The following GLG1 variants were observed in gnomAD, a reference collection of about 807,000 sequenced individuals.
The protein encoded by GLG1 is Golgi apparatus protein 1.
In GLG1, 38 loss-of-function variants were observed where a neutral mutation model predicts 160.5. That is an observed-to-expected ratio of 0.24 (90% CI 0.18 to 0.31). The LOEUF is 0.31. GLG1 is among the 10% of genes least tolerant of loss of function. The pLI is 1.00. For synonymous variants in GLG1, 644 were observed against 543.4 expected (o/e 1.19, Z -2.57); for missense variants, 1,373 against 1,505.2 (o/e 0.91, Z 1.45).
chr16:74,536,246 G>A (rs2017684030), intron 1 of GLG1, among the ~76,000 whole-genome samples: 1 of 152,112 alleles, frequency 6.6e-6, no homozygotes, highest in African/African-American at 2.4e-5. Flanking sequence ...TTTAAGTGCA[G>A]ACAGGCTCAC....
intron 1 of GLG1, among the ~76,000 whole-genome samples, chr16:74,549,904 A>T (rs1683665428): frequency 6.6e-6 from 1 of 152,044 alleles, no homozygotes; most frequent in Non-Finnish European, 1.5e-5. Context: ...ACTCAAGCCC[A>T]GGTGTTCAAG....
At chr16:74,600,032 T>C (rs1057245189) in intron 1 of GLG1, among the ~76,000 whole-genome samples, 5 of 152,098 alleles carry the variant, frequency 3.3e-5, no homozygotes, top group African/African-American at 1.2e-4. Context: ...AGACTCCGTC[T>C]TAACCAAAAG....
At chr16:74,524,267 C>T (rs2017266840) in intron 2 of GLG1, among the ~76,000 whole-genome samples, 1 of 151,950 alleles carries the variant, frequency 6.6e-6, no homozygotes, top group Admixed American at 6.6e-5. Context: ...TTAATTATTA[C>T]CTGTTTTCTT....
rs2014347362 is a variant in GLG1 at position 74,452,358 on chromosome 16, C to A, written c.*809G>T. ...ATCCTGCTGCCCCGGGACTCAGGAT[C>A]CAGCCTCTCAGTGCAGATGGATGGA... On this transcript the variant is annotated 3_prime_UTR_variant, in exon 26 of 26. Coordinates refer to ENST00000422840, the MANE Select transcript of GLG1 (RefSeq NM_001145667.2). 7.3e-6 allele frequency: 10 copies of A among 1,363,752 alleles called. No homozygotes were observed. The highest frequency in any genetic ancestry group is 9.5e-6 in the Non-Finnish European group (10 of 1,054,702). The allele number at this position is 1,363,752 out of a possible 1,614,324, so 84.5% of individuals were successfully genotyped here.
At chr16:74,593,718 A>G (rs975287885) in intron 1 of GLG1, among the ~76,000 whole-genome samples, 1 of 151,908 alleles carries the variant, frequency 6.6e-6, no homozygotes, top group African/African-American at 2.4e-5. Flanking sequence ...TACAGGTGTG[A>G]GCCACCACAC....
chr16:74,537,892 G>C (rs1422877162), intron 1 of GLG1, among the ~76,000 whole-genome samples: 1 of 151,990 alleles, frequency 6.6e-6, no homozygotes, highest in Non-Finnish European at 1.5e-5. Flanking sequence ...ATTCACTTAG[G>C]AGGAAGGTTT....
chr16:74,468,862 G>A, intron 17 of GLG1, 84 bp downstream of exon 17: 1 of 810,256 alleles, frequency 1.2e-6, no homozygotes, highest in Non-Finnish European at 2.2e-6. Flanking sequence ...TGGATAAAAT[G>A]CCTCCCCCTT....
Position 74,452,599 on chromosome 16 carries a change from C to T in GLG1, c.*568G>A, listed in dbSNP as rs904549374. On this transcript the variant is annotated 3_prime_UTR_variant, in exon 26 of 26. Coordinates refer to ENST00000422840, the MANE Select transcript of GLG1 (RefSeq NM_001145667.2). ...CACAGCCTGGGGAACGGCTGCCCAC[C>T]CACGCCTCGGTGAAGACCACGGCCC... 2.0e-6 allele frequency: 2 copies of T among 1,001,140 alleles called. No individual in the cohort carries two copies. The highest frequency in any genetic ancestry group is 1.1e-4 in the Admixed American group (2 of 18,710). The allele number at this position is 1,001,140 out of a possible 1,614,324, so 62.0% of individuals were successfully genotyped here. A position where few individuals can be genotyped will look rare whatever the true frequency, so the allele number is the denominator to read the frequency against.
chr16:74,463,413 A>G lies in GLG1; in HGVS notation c.2734T>C (p.Leu912=), dbSNP rs779515050. The G allele has an allele frequency of 6.8e-6, 11 of 1,613,758 alleles. No individual in the cohort carries two copies. In the Admixed American group the frequency reaches 1.7e-4, roughly 24 times the overall value. Residue 912 remains leucine, a synonymous_variant, in exon 20 of 26, where the codon TTG becomes CTG. Coordinates refer to ENST00000422840, the MANE Select transcript of GLG1 (RefSeq NM_001145667.2). The stretch of plus-strand genomic sequence containing the variant: ...ATCTGTTTGCATTTGGGATCCATCA[A>G]TTCACTGTTTTTATTTTGCTTCAAG... ...QCLKQNKNSE[L]MDPKCKQMIT...
rs576773907 is a variant in GLG1 at position 74,545,662 on chromosome 16, T to C, written c.439-13509A>G. Among the ~76,000 whole-genome samples the C allele has an allele frequency of 2.6e-5, 4 of 152,368 alleles. No homozygotes were observed. In the South Asian group the frequency reaches 8.3e-4, roughly 32 times the overall value. On this transcript the variant is annotated intron_variant, in intron 1 of 25. Transcript: ENST00000422840. ...GATTAGTTTGGGTTTTGTTCACCCA[T>C]GTCTTTTAAAGTTCTAAAGAACCTT... is the stretch of plus-strand genomic sequence containing the variant.
chr16:74,522,400 G>A (rs913386677), intron 2 of GLG1, among the ~76,000 whole-genome samples: 1 of 152,200 alleles, frequency 6.6e-6, no homozygotes, highest in Non-Finnish European at 1.5e-5. Context: ...ACAGATACTC[G>A]GTATTGGCAC....
chr16:74,597,113 C>G (rs1958324021), intron 1 of GLG1, among the ~76,000 whole-genome samples: 1 of 151,236 alleles, frequency 6.6e-6, no homozygotes, highest in East Asian at 2.0e-4. Context: ...AGTGAGACCT[C>G]GTCTCAAACA....
intron 1 of GLG1, among the ~76,000 whole-genome samples, chr16:74,538,621 A>T (rs568920931): frequency 5.0e-4 from 76 of 152,306 alleles, no homozygotes; most frequent in African/African-American, 1.8e-3. Flanking sequence ...GCCTTCCAAC[A>T]ATGTTCTGAT....
intron 2 of GLG1, among the ~76,000 whole-genome samples, chr16:74,528,039 C>T (rs1370519458): frequency 6.6e-6 from 1 of 151,374 alleles, no homozygotes; most frequent in African/African-American, 2.4e-5. Context: ...TGCCCACCAC[C>T]ACACCTGGCT....
At position 74,529,809 on chromosome 16, in the gene GLG1, G is replaced by GTTTTTTTT. The variant is rs201693911; in HGVS notation, c.471+2311_471+2312insAAAAAAAA. ...CTTCCTATTCCTTGGCTCTTTGAGA[G>GTTTTTTTT]TTCTTTTTTTTTTTTTTTTTTTTTT... is the stretch of plus-strand genomic sequence containing the variant. On this transcript the variant is annotated intron_variant, in intron 2 of 25. Coordinates refer to ENST00000422840, the MANE Select transcript of GLG1 (RefSeq NM_001145667.2). Among the ~76,000 whole-genome samples the GTTTTTTTT allele has an allele frequency of 6.1e-4, 64 of 104,090 alleles. 10 individuals are homozygous for GTTTTTTTT. The highest frequency in any genetic ancestry group is 1.0e-3 in the East Asian group (3 of 2,944). The allele number at this position is 104,090 out of a possible 152,430, so 68.3% of individuals were successfully genotyped here.
chr16:74,454,503 T>C (rs950044997), intron 25 of GLG1, among the ~76,000 whole-genome samples: 2 of 150,744 alleles, frequency 1.3e-5, no homozygotes, highest in Non-Finnish European at 3.0e-5. Flanking sequence ...CTGTCTCTAC[T>C]AAAAATACAA....
At chr16:74,535,244 A>G (rs1421775289) in intron 1 of GLG1, among the ~76,000 whole-genome samples, 6 of 152,264 alleles carry the variant, frequency 3.9e-5, no homozygotes, top group African/African-American at 1.4e-4. Context: ...TTAAATTAGA[A>G]CCTGTAACAG....
chr16:74,532,961 AC>A (rs558900404), intron 1 of GLG1, among the ~76,000 whole-genome samples: 41 of 152,326 alleles, frequency 2.7e-4, no homozygotes, highest in South Asian at 1.9e-3. Flanking sequence ...TTTAAAAAAA[AC>A]ATTTGGAAAT....
Position 74,542,758 on chromosome 16 carries a change from G to GA in GLG1, c.439-10606dup, listed in dbSNP as rs1555514656. On this transcript the variant is annotated intron_variant, in intron 1 of 25. Transcript: ENST00000422840. ...GGGAGGAAGGAAGGAAGGAAGGAAG[G>GA]AAGGAAGGAAGGAAGGAAGGAAGGA... 9.6e-4 allele frequency among the ~76,000 whole-genome samples: 51 copies of GA among 53,072 alleles called. 4 individuals carry two copies. The highest frequency in any genetic ancestry group is 1.4e-3 in the Non-Finnish European group (37 of 25,886). 34.8% of individuals were successfully genotyped at this position (53,072 alleles called of 152,430 possible).
Sources: allele counts gnomAD v4.1 joint callset (sites outside exome capture counted in the v4.1 genomes callset), GRCh38; gene constraint gnomAD v4.1.1; transcripts MANE v1.5; gene names NCBI Gene and HGNC (gene_info 2026-07-23, HGNC 2026-07-21).